The following NCALD variants were observed in gnomAD, a reference collection of about 807,000 sequenced individuals.
The protein encoded by NCALD is neurocalcin delta.
In NCALD, 10 loss-of-function variants were observed where a neutral mutation model predicts 18.6. The ratio of observed to expected loss-of-function variants is 0.54; its 90% CI spans 0.33 to 0.91. NCALD has a LOEUF of 0.91. Among genes scored for constraint, NCALD ranks in the 40% least tolerant of loss-of-function variants. The pLI is 0.03. For synonymous variants in NCALD, 88 were observed against 87.4 expected, an observed-to-expected ratio of 1.01 and a Z score of -0.04; for missense variants, 184 against 247.6, an observed-to-expected ratio of 0.74 and a Z score of 1.72.
At chr8:102,043,641 A>G (rs1270161610) in intron 1 of NCALD, among the ~76,000 whole-genome samples, 1 of 149,372 alleles carries the variant, frequency 6.7e-6, no homozygotes, top group Non-Finnish European at 1.5e-5. Flanking sequence ...CATTACAGAC[A>G]GGAAATGAAA....
intron 1 of NCALD, among the ~76,000 whole-genome samples, chr8:101,738,430 G>A (rs1810024486): frequency 6.6e-6 from 1 of 151,920 alleles, no homozygotes; most frequent in Non-Finnish European, 1.5e-5. Context: ...TGTAATCCCA[G>A]TTACTCGGGA....
chr8:101,876,917 T>C (rs479742), intron 4 of NCALD, among the ~76,000 whole-genome samples: 53,999 of 152,056 alleles, frequency 0.36, 11,425 homozygotes, highest in African/African-American at 0.58. Flanking sequence ...TGACTTCCAG[T>C]ACAAAGCAAA....
chr8:101,827,309 A>C lies in NCALD; in HGVS notation c.-20+59832T>G, dbSNP rs141370266. On this transcript the variant is annotated intron_variant, in intron 4 of 6. Coordinates refer to the NCALD transcript ENST00000311028. ...GGGCCCACCCACATAATCCAGGATT[A>C]TCTCTCCATCTCAAGATCCTTAATT... 9.5e-4 allele frequency among the ~76,000 whole-genome samples: 144 copies of C among 152,312 alleles called. 2 individuals are homozygous for C. The highest frequency in any genetic ancestry group is 3.3e-3 in the African/African-American group (136 of 41,576).
chr8:101,876,466 G>T (rs886393346), intron 4 of NCALD, among the ~76,000 whole-genome samples: 1 of 152,222 alleles, frequency 6.6e-6, no homozygotes, highest in African/African-American at 2.4e-5. Context: ...ATACTTGCTG[G>T]TAGTGAAAAT....
intron 1 of NCALD, among the ~76,000 whole-genome samples, chr8:101,759,112 G>A (rs1022697610): frequency 6.6e-6 from 1 of 152,228 alleles, no homozygotes; most frequent in South Asian, 2.1e-4. Flanking sequence ...AGCAGAAACC[G>A]CCCACATTTT....
intron 1 of NCALD, chr8:101,721,223 G>C (rs1816341190): frequency 6.6e-6 from 1 of 152,166 alleles, no homozygotes; most frequent in African/African-American, 2.4e-5. Flanking sequence ...CTGAAAGACA[G>C]CATATCCCCA....
chr8:101,791,384 G>T (rs1447153685), upstream of NCALD, among the ~76,000 whole-genome samples: 1 of 152,082 alleles, frequency 6.6e-6, no homozygotes, highest in East Asian at 1.9e-4. Context: ...AAAAATTCTG[G>T]AGTAGTTTTC....
chr8:101,839,844 G>GGGAA (rs1254753330), intron 4 of NCALD, among the ~76,000 whole-genome samples: 1 of 152,002 alleles, frequency 6.6e-6, no homozygotes, highest in Non-Finnish European at 1.5e-5. Context: ...GAAGCTGTCT[G>GGGAA]GGAAGCATGT....
chr8:101,746,656 C>T (rs1413613625), intron 1 of NCALD, among the ~76,000 whole-genome samples: 1 of 151,842 alleles, frequency 6.6e-6, no homozygotes, highest in East Asian at 1.9e-4. Context: ...GTTTTTTCAT[C>T]AACCAAAACC....
At chr8:102,009,247 A>G (rs11783903) in intron 2 of NCALD, among the ~76,000 whole-genome samples, 65,214 of 151,830 alleles carry the variant, frequency 0.43, 14,221 homozygotes, top group Middle Eastern at 0.51. Flanking sequence ...CTTTCTATTA[A>G]GCACAAATTT....
chr8:102,068,687 G>T (rs777125906), intron 1 of NCALD, among the ~76,000 whole-genome samples: 4 of 152,080 alleles, frequency 2.6e-5, no homozygotes, highest in Non-Finnish European at 5.9e-5. Context: ...TTTCTGTCTT[G>T]AGCACTGCAA....
chr8:102,095,485 C>G (rs1825062381), intron 1 of NCALD, among the ~76,000 whole-genome samples: 1 of 152,144 alleles, frequency 6.6e-6, no homozygotes, highest in Admixed American at 6.5e-5. Context: ...CTGTTAGGCT[C>G]GGACCAGCTA....
intron 1 of NCALD, among the ~76,000 whole-genome samples, chr8:102,077,451 C>T (rs1038353989): frequency 3.3e-5 from 5 of 151,414 alleles, no homozygotes; most frequent in Non-Finnish European, 5.9e-5. Flanking sequence ...GAAATTGTTT[C>T]GAAAGTAAAA....
At chr8:102,119,448 A>T (rs763521560) in intron 1 of NCALD, among the ~76,000 whole-genome samples, 1 of 152,206 alleles carries the variant, frequency 6.6e-6, no homozygotes, top group South Asian at 2.1e-4. Context: ...GTGGAAACAG[A>T]GTTTCAGCTG....
At chr8:101,953,803 C>CT (rs1819521540) in intron 2 of NCALD, among the ~76,000 whole-genome samples, 1 of 152,246 alleles carries the variant, frequency 6.6e-6, no homozygotes, top group Non-Finnish European at 1.5e-5. Flanking sequence ...ATTATCAAAA[C>CT]TGAGGGGGTA....
At chr8:101,776,039 A>C (rs1361846678) in intron 1 of NCALD, among the ~76,000 whole-genome samples, 1 of 152,196 alleles carries the variant, frequency 6.6e-6, no homozygotes. Flanking sequence ...TCTCTGCCTC[A>C]TCAAGTGAGG....
At chr8:101,807,204 A>G (rs766801652) in intron 4 of NCALD, among the ~76,000 whole-genome samples, 3 of 152,190 alleles carry the variant, frequency 2.0e-5, no homozygotes, top group Non-Finnish European at 2.9e-5. Flanking sequence ...TAAAAAGAGT[A>G]TCAGAAAAGG....
intron 1 of NCALD, among the ~76,000 whole-genome samples, chr8:102,085,316 T>C (rs1207530766): frequency 2.6e-5 from 4 of 152,220 alleles, no homozygotes; most frequent in African/African-American, 9.7e-5. Context: ...AAACGTCTTA[T>C]TTGTCCCACA....
At chr8:102,119,908 G>T (rs759403416) in intron 1 of NCALD, among the ~76,000 whole-genome samples, 4 of 152,172 alleles carry the variant, frequency 2.6e-5, no homozygotes, top group African/African-American at 4.8e-5. Flanking sequence ...AAAAATCCAG[G>T]CAGAGACGTC....
Sources: allele counts gnomAD v4.1 joint callset (sites outside exome capture counted in the v4.1 genomes callset), GRCh38; gene constraint gnomAD v4.1.1; transcripts MANE v1.5; gene names NCBI Gene and HGNC (gene_info 2026-07-23, HGNC 2026-07-21).